The following RPS6KA5 variants were observed in gnomAD, a reference collection of about 807,000 sequenced individuals.
RPS6KA5 encodes the protein ribosomal protein S6 kinase alpha-5.
RPS6KA5 carries 27 observed loss-of-function variants against 85.5 expected under a neutral mutation model. The ratio of observed to expected loss-of-function variants is 0.32; its 90% CI spans 0.23 to 0.44. The LOEUF is 0.44. RPS6KA5 is among the 20% of genes least tolerant of loss of function. RPS6KA5 has a pLI of 1.00. For synonymous variants in RPS6KA5, 334 were observed against 348.2 expected (o/e 0.96, Z 0.46); for missense variants, 811 against 980.9 (o/e 0.83, Z 2.31).
chr14:90,920,690 A>C (rs1386451077), intron 6 of RPS6KA5, among the ~76,000 whole-genome samples: 1 of 151,982 alleles, frequency 6.6e-6, no homozygotes, highest in African/African-American at 2.4e-5. Context: ...TAAATGAAAA[A>C]AAAAACCACA....
Position 90,852,726 on chromosome 14 carries a change from C to CT in RPS6KA5, c.*19347dup, listed in dbSNP as rs34546742. ...TCCAGTTAGCCTTTGCTGGGAGAAA[C>CT]TTTTTTTTTTTTTTTTTTTTTGAGA... On this transcript the variant is annotated 3_prime_UTR_variant, in exon 17 of 17. Transcript: ENST00000614987. The CT allele has an allele frequency of 0.74, 87,919 of 118,320 alleles. 34,999 individuals carry two copies. Among genetic ancestry groups the CT allele is most frequent in the Middle Eastern group, 0.9 (198 of 220 alleles). 7.3% of individuals were successfully genotyped at this position (118,320 alleles called of 1,614,324 possible).
chr14:90,984,265 G>A (rs1566826908), intron 2 of RPS6KA5, among the ~76,000 whole-genome samples: 1 of 152,218 alleles, frequency 6.6e-6, no homozygotes. Flanking sequence ...CAAATGACAG[G>A]AAGGATTACT....
At chr14:90,996,849 T>C (rs2040544876) in intron 2 of RPS6KA5, among the ~76,000 whole-genome samples, 1 of 152,214 alleles carries the variant, frequency 6.6e-6, no homozygotes, top group Admixed American at 6.5e-5. Flanking sequence ...GGAATAAGTA[T>C]ACTCATCCAT....
chr14:90,856,931 G>A lies in RPS6KA5; in HGVS notation c.*15143C>T. 6.4e-6 allele frequency: 1 copy of A among 156,004 alleles called. No homozygotes were observed. Among genetic ancestry groups the A allele is most frequent in the Non-Finnish European group, 1.4e-5 (1 of 69,960 alleles). 9.7% of individuals were successfully genotyped at this position (156,004 alleles called of 1,614,324 possible). ...AATCATACAATACGTGGCCTTGTGT[G>A]TCTGGTTTCTTTACCTTTAACTGGT... On this transcript the variant is annotated 3_prime_UTR_variant, in exon 17 of 17. Transcript: ENST00000614987.
intron 1 of RPS6KA5, among the ~76,000 whole-genome samples, chr14:91,058,775 C>T (rs764321721): frequency 1.3e-5 from 2 of 152,104 alleles, no homozygotes; most frequent in African/African-American, 2.4e-5. Flanking sequence ...ACAGCTGGCT[C>T]AAGATGTATA....
chr14:91,050,018 T>C (rs1175087337), intron 1 of RPS6KA5, among the ~76,000 whole-genome samples: 2 of 152,240 alleles, frequency 1.3e-5, no homozygotes. Flanking sequence ...CTCATGAATA[T>C]ATACATTTAC....
At chr14:90,903,824 G>A (rs973335345) in intron 8 of RPS6KA5, among the ~76,000 whole-genome samples, 4 of 152,056 alleles carry the variant, frequency 2.6e-5, no homozygotes, top group African/African-American at 9.7e-5. Flanking sequence ...GAAGAAAAAA[G>A]TATTAATCAT....
intron 2 of RPS6KA5, among the ~76,000 whole-genome samples, chr14:90,999,590 A>T (rs1289916622): frequency 6.6e-6 from 1 of 152,238 alleles, no homozygotes; most frequent in Admixed American, 6.5e-5. Flanking sequence ...TTCTCACAGC[A>T]GCGGTGGCTG....
At chr14:91,037,773 T>A (rs1255419086) in intron 1 of RPS6KA5, among the ~76,000 whole-genome samples, 1 of 152,176 alleles carries the variant, frequency 6.6e-6, no homozygotes, top group Non-Finnish European at 1.5e-5. Flanking sequence ...AAATCCTGAG[T>A]TACGAATAGC....
At position 90,848,918 on chromosome 14, in the gene RPS6KA5, G is replaced by C. The variant is rs980538597; in HGVS notation, c.*23156C>G. 2 of 152,170 alleles carry C rather than the reference G, an allele frequency of 1.3e-5. No individual in the cohort carries two copies. The highest frequency in any genetic ancestry group is 2.9e-5 in the Non-Finnish European group (2 of 68,004). 9.4% of individuals were successfully genotyped at this position (152,170 alleles called of 1,614,324 possible). ...AACCTAGGGGGAAGGTGAGCTCCTG[G>C]GACATAAATACGCAGGGAAAGAACC... On this transcript the variant is annotated 3_prime_UTR_variant, in exon 17 of 17. Coordinates refer to ENST00000614987, the MANE Select transcript of RPS6KA5 (RefSeq NM_004755.4).
intron 14 of RPS6KA5, among the ~76,000 whole-genome samples, chr14:90,883,981 C>A (rs1249419983): frequency 6.6e-6 from 1 of 152,176 alleles, no homozygotes; most frequent in African/African-American, 2.4e-5. Context: ...TACTGAATGT[C>A]TGGCTCCCAA....
chr14:90,877,176 C>G (rs1321631524), intron 14 of RPS6KA5, among the ~76,000 whole-genome samples: 1 of 152,002 alleles, frequency 6.6e-6, no homozygotes, highest in Admixed American at 6.5e-5. Context: ...GAAAATTGTG[C>G]CTGAGAAGAA....
At chr14:91,052,659 C>A (rs2043137036) in intron 1 of RPS6KA5, among the ~76,000 whole-genome samples, 2 of 143,988 alleles carry the variant, frequency 1.4e-5, no homozygotes, top group Non-Finnish European at 3.0e-5. Context: ...CCCGTCTCTA[C>A]TAAAAGTACA....
At chr14:90,999,070 T>C (rs61987450) in intron 2 of RPS6KA5, among the ~76,000 whole-genome samples, 72,901 of 151,944 alleles carry the variant, frequency 0.48, 17,920 homozygotes, top group East Asian at 0.55. Context: ...TAGCTGGGCA[T>C]GGTGGTGCAT....
intron 1 of RPS6KA5, among the ~76,000 whole-genome samples, chr14:91,007,039 T>C (rs993883451): frequency 4.6e-5 from 7 of 152,224 alleles, no homozygotes; most frequent in African/African-American, 1.2e-4. Context: ...TGCACAACTC[T>C]TATTAAATTT....
intron 3 of RPS6KA5, among the ~76,000 whole-genome samples, chr14:90,951,072 T>C (rs1469506472): frequency 7.5e-6 from 1 of 132,836 alleles, no homozygotes; most frequent in Non-Finnish European, 1.5e-5. Flanking sequence ...TTGGCCAAGA[T>C]CACTGCACTG....
intron 1 of RPS6KA5, among the ~76,000 whole-genome samples, chr14:91,024,017 G>T (rs2041896057): frequency 6.6e-6 from 1 of 152,062 alleles, no homozygotes; most frequent in Non-Finnish European, 1.5e-5. Flanking sequence ...AAGGACTCCA[G>T]TTCTACATGT....
chr14:90,966,293 T>C (rs752944185), intron 3 of RPS6KA5, among the ~76,000 whole-genome samples: 2 of 152,184 alleles, frequency 1.3e-5, no homozygotes, highest in Non-Finnish European at 2.9e-5. Context: ...TACAGGAAGG[T>C]GGTCTTCTGT....
chr14:90,926,738 C>A (rs970014991), intron 5 of RPS6KA5, among the ~76,000 whole-genome samples: 2 of 150,978 alleles, frequency 1.3e-5, no homozygotes, highest in African/African-American at 4.9e-5. Context: ...TTATACCCAG[C>A]AGCTAAGTTA....
Sources: gnomAD v4.1 joint callset for allele counts (sites outside exome capture counted in the v4.1 genomes callset) on GRCh38, gnomAD v4.1.1 for gene constraint, MANE v1.5 for transcripts, NCBI Gene and HGNC (gene_info 2026-07-23, HGNC 2026-07-21) for gene names.